IQCJ: variants seen among roughly 807,000 people sequenced by gnomAD.
IQCJ encodes the protein IQ domain-containing protein J.
A neutral mutation model predicts 11.0 loss-of-function variants in IQCJ; 9 were observed. The observed-to-expected ratio is 0.82, with a 90% CI of 0.49 to 1.43. The LOEUF (loss-of-function observed/expected upper bound fraction) is 1.43, where lower values mean the gene tolerates loss of function less well. IQCJ is among the 40% of genes most tolerant of loss of function. IQCJ has a pLI of 0.00. For missense variants in IQCJ, 146 were observed against 133.2 expected, an observed-to-expected ratio of 1.10 and a Z score of -0.47; for synonymous variants, 55 against 51.3, an observed-to-expected ratio of 1.07 and a Z score of -0.31.
intron 2 of IQCJ, among the ~76,000 whole-genome samples, chr3:159,250,151 T>C (rs1727511279): frequency 1.3e-5 from 2 of 152,332 alleles, no homozygotes; most frequent in Admixed American, 1.3e-4. Context: ...AATCATTTTA[T>C]TACCCACAGA....
chr3:159,262,800 T>C lies in IQCJ; in HGVS notation c.*69T>C. ...CAGGTGGTTTGTGACAGTGAAGATCTATGTAGCTTATTTGCTACCCAGGAA... is the reference window on the plus strand; with the variant it reads ...CAGGTGGTTTGTGACAGTGAAGATCCATGTAGCTTATTTGCTACCCAGGAA... On this transcript the variant is annotated 3_prime_UTR_variant, in exon 4 of 4. Transcript: ENST00000397832. 3 of 1,529,544 alleles carry C rather than the reference T, an allele frequency of 2.0e-6. No homozygotes were observed. Among genetic ancestry groups the C allele is most frequent in the South Asian group, 2.6e-5 (2 of 76,430 alleles). 94.7% of individuals were successfully genotyped at this position (1,529,544 alleles called of 1,614,324 possible). A position where few individuals can be genotyped will look rare whatever the true frequency, so the allele number is the denominator to read the frequency against.
chr3:159,156,765 T>C (rs1424995475), intron 1 of IQCJ, among the ~76,000 whole-genome samples: 1 of 152,120 alleles, frequency 6.6e-6, no homozygotes. Context: ...AAATTTTCTT[T>C]AGAAGAAGGG....
At chr3:159,223,952 A>G (rs1725695208) in intron 1 of IQCJ, among the ~76,000 whole-genome samples, 1 of 152,176 alleles carries the variant, frequency 6.6e-6, no homozygotes, top group South Asian at 2.1e-4. Flanking sequence ...ATATTCTAAA[A>G]TAAAAAATCA....
In IQCJ at chr3:159,150,196, C is replaced by G. The variant is rs189515502; in HGVS notation, c.9+80755C>G. 6.6e-5 allele frequency among the ~76,000 whole-genome samples: 10 copies of G among 152,176 alleles called. No individual in the cohort carries two copies. In the East Asian group the frequency reaches 1.9e-3, roughly 29 times the overall value. On this transcript the variant is annotated intron_variant, in intron 1 of 3. Coordinates refer to ENST00000397832, the MANE Select transcript of IQCJ (RefSeq NM_001042706.3). Reference sequence around the variant, plus strand: ...CAAGTAGTCTCTTGGAAAGTGATTCCAGGAAATACTGATAGGGTAGTGGGT... The same window carrying G: ...CAAGTAGTCTCTTGGAAAGTGATTCGAGGAAATACTGATAGGGTAGTGGGT...
chr3:159,087,005 A>C (rs1716828699), intron 1 of IQCJ, among the ~76,000 whole-genome samples: 1 of 152,222 alleles, frequency 6.6e-6, no homozygotes, highest in Admixed American at 6.5e-5. Context: ...CAGTTTTCAC[A>C]GGGAATGCTT....
intron 1 of IQCJ, among the ~76,000 whole-genome samples, chr3:159,105,420 T>C (rs1447855325): frequency 1.3e-5 from 2 of 152,166 alleles, no homozygotes; most frequent in African/African-American, 4.8e-5. Flanking sequence ...GACAATTTTA[T>C]TGAGCATCTA....
At position 159,161,865 on chromosome 3, in the gene IQCJ, G is replaced by T. The variant is rs372544401; in HGVS notation, c.10-83978G>T. ...TAGATATGTGGCGTTATTTCTGAGG[G>T]CTCTGTTCTGTTCCATTGATCTATA... On this transcript the variant is annotated intron_variant, in intron 1 of 3. Transcript: ENST00000397832. Among the ~76,000 whole-genome samples the T allele has an allele frequency of 3.9e-5, 6 of 152,182 alleles. No individual in the cohort carries two copies. In the South Asian group the frequency reaches 1.0e-3, roughly 26 times the overall value.
chr3:159,087,330 T>C (rs558914687), intron 1 of IQCJ, among the ~76,000 whole-genome samples: 28 of 151,138 alleles, frequency 1.9e-4, no homozygotes, highest in Middle Eastern at 6.8e-3. Flanking sequence ...CAGTATTTTA[T>C]TGAGGATTTT....
chr3:159,223,759 C>T (rs1332303483), intron 1 of IQCJ, among the ~76,000 whole-genome samples: 1 of 152,052 alleles, frequency 6.6e-6, no homozygotes, highest in African/African-American at 2.4e-5. Context: ...TTCAAAACTT[C>T]CTGAGCACCA....
intron 1 of IQCJ, among the ~76,000 whole-genome samples, chr3:159,116,630 A>ATATATATATATATATATATATATG (rs1719024476): frequency 3.7e-5 from 1 of 27,148 alleles, no homozygotes; most frequent in African/African-American, 1.9e-4. Context: ...ATATATATAT[A>ATATATATATATATATATATATATG]TATATATATA....
At chr3:159,081,637 A>G (rs1453308740) in intron 1 of IQCJ, among the ~76,000 whole-genome samples, 2 of 151,980 alleles carry the variant, frequency 1.3e-5, no homozygotes, top group Non-Finnish European at 2.9e-5. Context: ...CATTTCCATC[A>G]CCTTCTCCAA....
At chr3:159,230,222 C>T (rs1168709926) in intron 1 of IQCJ, among the ~76,000 whole-genome samples, 1 of 152,036 alleles carries the variant, frequency 6.6e-6, no homozygotes, top group Non-Finnish European at 1.5e-5. Flanking sequence ...TACATGATTT[C>T]ATTCTTTTTT....
intron 3 of IQCJ, among the ~76,000 whole-genome samples, chr3:159,258,377 A>G (rs2621304): frequency 0.68 from 103,966 of 152,022 alleles, 36,108 homozygotes; most frequent in Non-Finnish European, 0.75. Flanking sequence ...GGGGGAATGG[A>G]CCACCCTCTA....
At chr3:159,072,311 T>A (rs957601774) in intron 1 of IQCJ, among the ~76,000 whole-genome samples, 13 of 151,892 alleles carry the variant, frequency 8.6e-5, no homozygotes, top group Non-Finnish European at 1.5e-4. Context: ...GAAGATGAGT[T>A]CTCAACCAAG....
At chr3:159,245,111 G>A (rs1459970599) in intron 1 of IQCJ, among the ~76,000 whole-genome samples, 10 of 151,856 alleles carry the variant, frequency 6.6e-5, no homozygotes, top group African/African-American at 1.2e-4. Context: ...TTGAGGGATC[G>A]TGTGTGTGTG....
intron 1 of IQCJ, among the ~76,000 whole-genome samples, chr3:159,220,809 G>A (rs1577090329): frequency 6.6e-6 from 1 of 152,106 alleles, no homozygotes; most frequent in East Asian, 1.9e-4. Context: ...CTAACTATGG[G>A]CTTGTTATTT....
chr3:159,254,522 C>A (rs1268243904), intron 3 of IQCJ, among the ~76,000 whole-genome samples: 1 of 152,202 alleles, frequency 6.6e-6, no homozygotes, highest in African/African-American at 2.4e-5. Context: ...TCTTGCCCAA[C>A]AATAGAACTT....
At chr3:159,234,856 A>G (rs2365490) in intron 1 of IQCJ, among the ~76,000 whole-genome samples, 22,062 of 152,198 alleles carry the variant, frequency 0.14, 1,823 homozygotes, top group Middle Eastern at 0.21. Flanking sequence ...TAGTAAATAC[A>G]TAAGAAATGC....
chr3:159,122,637 T>C (rs1168472561), intron 1 of IQCJ, among the ~76,000 whole-genome samples: 1 of 152,222 alleles, frequency 6.6e-6, no homozygotes, highest in East Asian at 1.9e-4. Flanking sequence ...ATATGATTTT[T>C]ATCTTAAGCT....
Sources: allele counts gnomAD v4.1 joint callset (sites outside exome capture counted in the v4.1 genomes callset), GRCh38; gene constraint gnomAD v4.1.1; transcripts MANE v1.5; gene names NCBI Gene and HGNC (gene_info 2026-07-23, HGNC 2026-07-21).